Variants in ARHGAP15 observed in about 807,000 individuals in gnomAD.
ARHGAP15 encodes the protein rho GTPase-activating protein 15.
ARHGAP15 carries 51 observed loss-of-function variants against 63.7 expected under a neutral mutation model. The ratio of observed to expected loss-of-function variants is 0.80; its 90% CI spans 0.64 to 1.01. The LOEUF is 1.01. ARHGAP15 is among the 50% of genes least tolerant of loss of function. The probability of loss-of-function intolerance (pLI) is 0.00; values close to 1 mark genes in which losing one functional copy is unlikely to be tolerated. For synonymous variants in ARHGAP15, 191 were observed against 193.8 expected, an observed-to-expected ratio of 0.99 and a Z score of 0.12; for missense variants, 560 against 564.6, an observed-to-expected ratio of 0.99 and a Z score of 0.08.
At chr2:143,360,301 C>T (rs1007618758) in intron 6 of ARHGAP15, among the ~76,000 whole-genome samples, 1 of 151,768 alleles carries the variant, frequency 6.6e-6, no homozygotes, top group African/African-American at 2.4e-5. Flanking sequence ...GGGAGGATTG[C>T]TTTAGCCCAA....
chr2:143,722,859 G>A (rs1163860628), intron 13 of ARHGAP15, among the ~76,000 whole-genome samples: 1 of 152,168 alleles, frequency 6.6e-6, no homozygotes, highest in Non-Finnish European at 1.5e-5. Context: ...CCAGGTTATG[G>A]GTGGGGCTGG....
chr2:143,324,657 A>G (rs1229035435), intron 6 of ARHGAP15, among the ~76,000 whole-genome samples: 1 of 152,200 alleles, frequency 6.6e-6, no homozygotes, highest in Non-Finnish European at 1.5e-5. Context: ...CAGATTTTGT[A>G]TGCTGGTCCG....
intron 6 of ARHGAP15, among the ~76,000 whole-genome samples, chr2:143,381,755 C>T (rs186598872): frequency 3.5e-4 from 53 of 152,244 alleles, no homozygotes; most frequent in African/African-American, 1.3e-3. Context: ...ACTCTCAATG[C>T]AGCACCTCAC....
At chr2:143,549,560 T>G (rs1226686158) in intron 10 of ARHGAP15, among the ~76,000 whole-genome samples, 1 of 152,070 alleles carries the variant, frequency 6.6e-6, no homozygotes, top group Non-Finnish European at 1.5e-5. Flanking sequence ...AGAAAGTAAT[T>G]CATTAAATAA....
At chr2:143,604,905 G>C (rs956795313) in intron 11 of ARHGAP15, among the ~76,000 whole-genome samples, 3 of 151,508 alleles carry the variant, frequency 2.0e-5, no homozygotes, top group African/African-American at 7.3e-5. Context: ...GTTTTGTTTT[G>C]TTTTGTTTTT....
chr2:143,383,640 T>C (rs757180144), intron 6 of ARHGAP15, among the ~76,000 whole-genome samples: 12 of 152,176 alleles, frequency 7.9e-5, no homozygotes, highest in Non-Finnish European at 1.5e-4. Flanking sequence ...TTAATTTGAT[T>C]TAAATTTTTA....
intron 11 of ARHGAP15, among the ~76,000 whole-genome samples, chr2:143,602,672 G>GA (rs1697821160): frequency 1.3e-5 from 2 of 152,004 alleles, no homozygotes; most frequent in South Asian, 4.1e-4. Flanking sequence ...GAGGGAGGAA[G>GA]AAAAGAGAGA....
At chr2:143,269,226 G>C (rs1681148288) in intron 6 of ARHGAP15, among the ~76,000 whole-genome samples, 1 of 152,134 alleles carries the variant, frequency 6.6e-6, no homozygotes, top group Non-Finnish European at 1.5e-5. Flanking sequence ...TACTTTGAAA[G>C]TCTGGAGAGC....
intron 1 of ARHGAP15, among the ~76,000 whole-genome samples, chr2:143,150,135 T>C (rs1689759107): frequency 6.6e-6 from 1 of 151,966 alleles, no homozygotes; most frequent in South Asian, 2.1e-4. Flanking sequence ...AAGCCTACAT[T>C]TTCTCTACTC....
intron 2 of ARHGAP15, among the ~76,000 whole-genome samples, chr2:143,157,308 C>T (rs1235127213): frequency 6.6e-6 from 1 of 151,918 alleles, no homozygotes; most frequent in East Asian, 1.9e-4. Context: ...GATTAACCCT[C>T]TTAAAACTAA....
chr2:143,730,739 A>G (rs1685489762), intron 13 of ARHGAP15, among the ~76,000 whole-genome samples: 1 of 152,046 alleles, frequency 6.6e-6, no homozygotes, highest in Admixed American at 6.6e-5. Context: ...GTGTCTCTTT[A>G]AAAATGTAAC....
intron 6 of ARHGAP15, among the ~76,000 whole-genome samples, chr2:143,333,395 G>T (rs774109334): frequency 4.8e-4 from 73 of 152,134 alleles, no homozygotes; most frequent in Non-Finnish European, 8.4e-4. Flanking sequence ...ACTCATTCGA[G>T]CCCTTCTTGT....
At chr2:143,662,326 G>T (rs1188187852) in intron 12 of ARHGAP15, among the ~76,000 whole-genome samples, 3 of 148,184 alleles carry the variant, frequency 2.0e-5, no homozygotes, top group African/African-American at 7.4e-5. Context: ...CACACGGCAG[G>T]GTATTCCAAC....
intron 10 of ARHGAP15, among the ~76,000 whole-genome samples, chr2:143,554,121 C>G (rs60521821): frequency 6.6e-6 from 1 of 151,946 alleles, no homozygotes; most frequent in African/African-American, 2.4e-5. Context: ...TCTTTAATCA[C>G]TGTAAATAGG....
At chr2:143,283,929 T>G (rs1249138264) in intron 6 of ARHGAP15, among the ~76,000 whole-genome samples, 1 of 152,126 alleles carries the variant, frequency 6.6e-6, no homozygotes, top group East Asian at 1.9e-4. Flanking sequence ...TTGAATGATT[T>G]CCAAAATTCT....
At chr2:143,215,355 C>T (rs1692714762) in intron 3 of ARHGAP15, among the ~76,000 whole-genome samples, 1 of 152,164 alleles carries the variant, frequency 6.6e-6, no homozygotes, top group South Asian at 2.1e-4. Flanking sequence ...ATTCTCCCAC[C>T]CCAACCTCCC....
At chr2:143,251,090 GA>G (rs921934602) in intron 6 of ARHGAP15, among the ~76,000 whole-genome samples, 6 of 149,712 alleles carry the variant, frequency 4.0e-5, no homozygotes, top group South Asian at 2.1e-4. Flanking sequence ...TTAGTTTTTT[GA>G]AAAAAAAAGT....
intron 13 of ARHGAP15, among the ~76,000 whole-genome samples, chr2:143,715,100 A>G (rs1306614100): frequency 6.6e-6 from 1 of 152,238 alleles, no homozygotes; most frequent in Non-Finnish European, 1.5e-5. Context: ...AAGAGGTTTA[A>G]TTGGACTTAC....
At chr2:143,160,090 T>A (rs1181731877) in intron 2 of ARHGAP15, among the ~76,000 whole-genome samples, 1 of 151,886 alleles carries the variant, frequency 6.6e-6, no homozygotes, top group African/African-American at 2.4e-5. Flanking sequence ...AGATAACGGG[T>A]CTTCTTGACT....
Sources: gnomAD v4.1 joint callset for allele counts (sites outside exome capture counted in the v4.1 genomes callset) on GRCh38, gnomAD v4.1.1 for gene constraint, MANE v1.5 for transcripts, NCBI Gene and HGNC (gene_info 2026-07-23, HGNC 2026-07-21) for gene names.